Variants in CMAS observed in about 807,000 individuals in gnomAD.
The protein encoded by CMAS is cytidine monophosphate N-acetylneuraminic acid synthetase, also known as N-acylneuraminate cytidylyltransferase.
CMAS carries 21 observed loss-of-function variants against 53.4 expected under a neutral mutation model. The observed-to-expected ratio is 0.39, with a 90% CI of 0.28 to 0.57. The LOEUF (loss-of-function observed/expected upper bound fraction) is 0.57. Ranked by LOEUF, CMAS falls within the 20% of genes least tolerant of loss-of-function variation. The probability of loss-of-function intolerance (pLI) is 0.56; values close to 1 mark genes in which losing one functional copy is unlikely to be tolerated. For missense variants in CMAS, 384 were observed against 534.9 expected, an observed-to-expected ratio of 0.72 and a Z score of 2.78; for synonymous variants, 189 against 195.2, an observed-to-expected ratio of 0.97 and a Z score of 0.27.
At chr12:22,064,254 G>A (rs184949985) in intron 7 of CMAS, among the ~76,000 whole-genome samples, 1 of 152,168 alleles carries the variant, frequency 6.6e-6, no homozygotes, top group East Asian at 1.9e-4. Flanking sequence ...AAGATACTGG[G>A]AGCTTCTGAA....
intron 1 of CMAS, among the ~76,000 whole-genome samples, chr12:22,048,316 A>C (rs1950219500): frequency 6.6e-6 from 1 of 152,212 alleles, no homozygotes; most frequent in Non-Finnish European, 1.5e-5. Flanking sequence ...CTTTGTTGCC[A>C]GAATCCTCAA....
At position 22,057,918 on chromosome 12, in the gene CMAS, C is replaced by G. The variant is rs554286745; in HGVS notation, c.560-649C>G. Among the ~76,000 whole-genome samples the G allele has an allele frequency of 6.6e-3, 1,003 of 151,556 alleles. 6 individuals are homozygous for G. The highest frequency in any genetic ancestry group is 0.011 in the Non-Finnish European group (720 of 67,846). Reference sequence around the variant, plus strand: ...TCTCGGCTCACTGCAATCTCCCCCCCCCGGGTTCAAGCGATTCTCCTGCCT... The same window carrying G: ...TCTCGGCTCACTGCAATCTCCCCCCGCCGGGTTCAAGCGATTCTCCTGCCT... On this transcript the variant is annotated intron_variant, in intron 3 of 7. Transcript: ENST00000229329.
chr12:22,058,955 T>C (rs1950288404), intron 4 of CMAS, among the ~76,000 whole-genome samples: 1 of 152,022 alleles, frequency 6.6e-6, no homozygotes, highest in African/African-American at 2.4e-5. Flanking sequence ...GTACTGGGTG[T>C]CTACACATGT....
At chr12:22,062,700 A>ATGT (rs1271586327) in intron 7 of CMAS, among the ~76,000 whole-genome samples, 9 of 152,152 alleles carry the variant, frequency 5.9e-5, no homozygotes, top group Admixed American at 2.0e-4. Flanking sequence ...GATAAGATGA[A>ATGT]TGTTGTTTCC....
chr12:22,056,237 T>A (rs1300251030), intron 3 of CMAS, among the ~76,000 whole-genome samples: 1 of 152,230 alleles, frequency 6.6e-6, no homozygotes. Flanking sequence ...TTTAACATAT[T>A]TTTGATAGCT....
rs548489358 is a variant in CMAS at position 22,046,770 on chromosome 12, A to G, written c.260+207A>G. Among the ~76,000 whole-genome samples the G allele has an allele frequency of 4.6e-5, 7 of 152,278 alleles. No individual in the cohort carries two copies. In the South Asian group the frequency reaches 1.2e-3, roughly 27 times the overall value. ...GCTCCTTCCTTGTTCCGTAGCTGCCAATGGTCATAACCTGGGACAGTTCCT... is the reference window on the plus strand; with the variant it reads ...GCTCCTTCCTTGTTCCGTAGCTGCCGATGGTCATAACCTGGGACAGTTCCT... On this transcript the variant is annotated intron_variant, in intron 1 of 7. Coordinates refer to ENST00000229329, the MANE Select transcript of CMAS (RefSeq NM_018686.6).
chr12:22,056,718 A>C (rs115474580), intron 3 of CMAS, among the ~76,000 whole-genome samples: 3,850 of 152,226 alleles, frequency 0.025, 161 homozygotes, highest in African/African-American at 0.087. Flanking sequence ...AAAACGAGCT[A>C]TATGTTTGTG....
At chr12:22,046,585 C>T (rs1429333569) in intron 1 of CMAS, 22 bp downstream of exon 1, 6 of 1,505,600 alleles carry the variant, frequency 4.0e-6, no homozygotes, top group Admixed American at 2.2e-5. Context: ...CGAGAGTGGG[C>T]GGCGCGGCCT....
intron 1 of CMAS, among the ~76,000 whole-genome samples, chr12:22,050,432 CTT>C (rs945689363): frequency 1.3e-5 from 2 of 152,158 alleles, no homozygotes; most frequent in African/African-American, 4.8e-5. Flanking sequence ...ACATTTTCCT[CTT>C]GTTTAGAAGG....
intron 6 of CMAS, among the ~76,000 whole-genome samples, chr12:22,061,701 T>G (rs11046283): frequency 0.012 from 1,871 of 152,266 alleles, 38 homozygotes; most frequent in African/African-American, 0.043. Context: ...ATGGGAGCTA[T>G]CTAATGTTTC....
At position 22,058,566 on chromosome 12, in the gene CMAS, G is replaced by T. The variant is rs1302205131; in HGVS notation, c.560-1G>T. 6.2e-7 allele frequency: 1 copy of T among 1,609,720 alleles called. No homozygotes were observed. Among genetic ancestry groups the T allele is most frequent in the South Asian group, 1.1e-5 (1 of 90,094 alleles). Reference sequence around the variant, plus strand: ...GACTTACTCTAACTTTTTGCTTTTAGTTCGTGAAGTGACCGAACCTCTGAA... The same window carrying T: ...GACTTACTCTAACTTTTTGCTTTTATTTCGTGAAGTGACCGAACCTCTGAA... On this transcript the variant is annotated splice_acceptor_variant, in intron 3 of 7. Coordinates refer to ENST00000229329, the MANE Select transcript of CMAS (RefSeq NM_018686.6). LOFTEE classifies it high-confidence loss of function.
At position 22,046,256 on chromosome 12, in the gene CMAS, G is replaced by C. The variant is rs776610235; in HGVS notation, c.-48G>C. 7 of 1,406,398 alleles carry C rather than the reference G, an allele frequency of 5.0e-6. No homozygotes were observed. Among genetic ancestry groups the C allele is most frequent in the Non-Finnish European group, 5.6e-6 (6 of 1,077,440 alleles). 87.1% of individuals were successfully genotyped at this position (1,406,398 alleles called of 1,614,324 possible). On this transcript the variant is annotated 5_prime_UTR_variant, in exon 1 of 8. Transcript: ENST00000229329. The stretch of plus-strand genomic sequence containing the variant: ...GCGGCGCCGAGCTGAGGTGGTGAGG[G>C]ACTAGCTCCCGGATGTGGAGAAGCT...
chr12:22,047,274 A>G (rs1292583999), intron 1 of CMAS, among the ~76,000 whole-genome samples: 1 of 152,190 alleles, frequency 6.6e-6, no homozygotes, highest in Non-Finnish European at 1.5e-5. Context: ...TGCGTAATTT[A>G]GATACATTGC....
intron 3 of CMAS, 38 bp downstream of exon 3, chr12:22,055,648 T>C (rs776531882): frequency 1.3e-6 from 2 of 1,567,078 alleles, no homozygotes; most frequent in East Asian, 2.3e-5. Context: ...CTGATTTTAT[T>C]GAGAATCAAT....
At chr12:22,055,409 G>C in intron 2 of CMAS, 46 bp from the exon 3 acceptor site, 2 of 1,522,776 alleles carry the variant, frequency 1.3e-6, no homozygotes, top group Non-Finnish European at 1.8e-6. Flanking sequence ...TGCTTGCAAG[G>C]AACTTTTTTT....
intron 7 of CMAS, among the ~76,000 whole-genome samples, chr12:22,064,628 A>C (rs1950332705): frequency 6.6e-6 from 1 of 152,150 alleles, no homozygotes; most frequent in Admixed American, 6.5e-5. Context: ...TATTTATCAG[A>C]GATAAATATT....
rs1442477266 is a variant in CMAS at position 22,058,549 on chromosome 12, C to CT, written c.560-17dup. The CT allele has an allele frequency of 2.5e-6, 4 of 1,605,702 alleles. No homozygotes were observed. The highest frequency in any genetic ancestry group is 1.3e-5 in the African/African-American group (1 of 74,550). On this transcript the variant is annotated splice_polypyrimidine_tract_variant and intron_variant, in intron 3 of 7. Coordinates refer to ENST00000229329, the MANE Select transcript of CMAS (RefSeq NM_018686.6). ...ATATTCAGGGCAACGTGGACTTACTCTAACTTTTTGCTTTTAGTTCGTGAA... is the reference window on the plus strand; with the variant it reads ...ATATTCAGGGCAACGTGGACTTACTCTTAACTTTTTGCTTTTAGTTCGTGAA...
At chr12:22,059,027 G>A (rs1950289173) in intron 4 of CMAS, among the ~76,000 whole-genome samples, 1 of 151,642 alleles carries the variant, frequency 6.6e-6, no homozygotes, top group Admixed American at 6.6e-5. Flanking sequence ...TAGTTATATT[G>A]TGGCTGTAGG....
chr12:22,047,139 A>G (rs542109646), intron 1 of CMAS, among the ~76,000 whole-genome samples: 1 of 152,280 alleles, frequency 6.6e-6, no homozygotes, highest in Admixed American at 6.5e-5. Context: ...AAAACTCCCT[A>G]CATTTATAAA....
Sources: allele counts gnomAD v4.1 joint callset (sites outside exome capture counted in the v4.1 genomes callset), GRCh38; gene constraint gnomAD v4.1.1; transcripts MANE v1.5; gene names NCBI Gene and HGNC (gene_info 2026-07-23, HGNC 2026-07-21).